The following NSD3 variants were observed in gnomAD, a reference collection of about 807,000 sequenced individuals.
NSD3 encodes nuclear receptor binding SET domain protein 3.
Under a neutral mutation model 160.8 loss-of-function variants are expected in NSD3, and 24 were observed. The ratio of observed to expected loss-of-function variants is 0.15; its 90% CI spans 0.11 to 0.21. NSD3 has a LOEUF of 0.21. Among genes scored for constraint, NSD3 ranks in the 10% least tolerant of loss-of-function variants. NSD3 has a pLI of 1.00. For missense variants in NSD3, 1,157 were observed against 1,735.9 expected, an observed-to-expected ratio of 0.67 and a Z score of 5.93; for synonymous variants, 520 against 600.0, an observed-to-expected ratio of 0.87 and a Z score of 1.95.
rs1432571972 is a variant in NSD3, at chr8:38,307,125, A to AT, written c.2243-1681_2243-1680insA. The stretch of plus-strand genomic sequence containing the variant: ...GCGAGATACCGTCTCAAAAAAAAAA[A>AT]AAATAAAATAAAATAAATAAATAAA... On this transcript the variant is annotated intron_variant, in intron 12 of 23. Transcript: ENST00000317025. Among the ~76,000 whole-genome samples the AT allele has an allele frequency of 2.7e-3, 398 of 146,402 alleles. 3 individuals carry two copies. The highest frequency in any genetic ancestry group is 5.8e-3 in the African/African-American group (231 of 40,160).
Position 38,329,638 on chromosome 8 carries a change from A to G in NSD3, c.1321T>C (p.Ser441Pro). ...CTCCGAATTTCAGTACTTGAGAGTGAGGAGGCCACCTCCCCTGCATTGGTC... is the reference window on the plus strand; with the variant it reads ...CTCCGAATTTCAGTACTTGAGAGTGGGGAGGCCACCTCCCCTGCATTGGTC... ...EQTNAGEVAS[S>P]LSSTEIRRHS... Residue 441 changes from serine to proline, a missense_variant, in exon 6 of 24, where the codon TCA (serine) becomes CCA (proline). Physicochemically the swap from Ser to Pro is moderately conservative, Grantham distance 74 (BLOSUM62 -1). Around this residue, in one of 10 missense-constraint regions of NSD3, gnomAD observed 168 missense variants for 208.1 expected, o/e 0.81. Coordinates refer to ENST00000317025, the MANE Select transcript of NSD3 (RefSeq NM_023034.2). The surrounding 1 kb of genome is among the most constrained non-coding windows in gnomAD (Gnocchi z 4.8). 1 of 1,614,196 alleles carries G rather than the reference A, an allele frequency of 6.2e-7. No individual in the cohort carries two copies. The highest frequency in any genetic ancestry group is 8.5e-7 in the Non-Finnish European group (1 of 1,180,036).
In NSD3 at chr8:38,329,861, A is replaced by C. The variant is rs573951233; in HGVS notation, c.1098T>G (p.Ala366=). 1 of 1,602,712 alleles carries C rather than the reference A, an allele frequency of 6.2e-7. No homozygotes were observed. Among genetic ancestry groups the C allele is most frequent in the African/African-American group, 1.3e-5 (1 of 74,592 alleles). The change falls in exon 6 of 24, where the codon GCT becomes GCG. Residue 366 remains alanine, a synonymous_variant. Transcript: ENST00000317025. The surrounding 1 kb of genome is among the most constrained non-coding windows in gnomAD (Gnocchi z 4.8). ...CATGGGCAATGCCAATATCCCACTG[A>C]GCACGTTCTCTCTGAGGTCGGGGTT... ...IRKPRPQRER[A]QWDIGIAHAE...
At position 38,278,429 on chromosome 8, in the gene NSD3, A is replaced by G. The variant is rs1316708791; in HGVS notation, c.3761-17T>C. The G allele has an allele frequency of 6.3e-7, 1 of 1,596,518 alleles. No homozygotes were observed. Among genetic ancestry groups the G allele is most frequent in the Non-Finnish European group, 8.6e-7 (1 of 1,169,472 alleles). On this transcript the variant is annotated splice_polypyrimidine_tract_variant and intron_variant, in intron 21 of 23. Transcript: ENST00000317025. ...ACTCCATCCCTGAAACACAGGAGAAATAATTATTCAAACTCGAGTCATGGG... is the reference window on the plus strand; with the variant it reads ...ACTCCATCCCTGAAACACAGGAGAAGTAATTATTCAAACTCGAGTCATGGG...
intron 7 of NSD3, among the ~76,000 whole-genome samples, chr8:38,323,006 A>C (rs1244730958): frequency 6.6e-6 from 1 of 152,192 alleles, no homozygotes; most frequent in Non-Finnish European, 1.5e-5. Flanking sequence ...AACTTCAAAC[A>C]AGCTCAAAGC....
At chr8:38,346,272 A>ATGTATATATACATATATAGTATATAG (rs1459857091) in intron 2 of NSD3, among the ~76,000 whole-genome samples, 24 of 147,904 alleles carry the variant, frequency 1.6e-4, no homozygotes, top group African/African-American at 5.6e-4. Flanking sequence ...TATGAAGACT[A>ATGTATATATACATATATAGTATATAG]TGTATATATA....
intron 2 of NSD3, among the ~76,000 whole-genome samples, chr8:38,338,953 A>C (rs937919185): frequency 1.3e-5 from 2 of 152,184 alleles, no homozygotes; most frequent in Non-Finnish European, 2.9e-5. Flanking sequence ...CAGCTTGGCC[A>C]GCATGGTGAA....
Position 38,351,813 on chromosome 8 carries a change from T to C in NSD3, c.-44-3598A>G, listed in dbSNP as rs189954752. Among the ~76,000 whole-genome samples, 354 of 151,736 alleles carry C rather than the reference T, an allele frequency of 2.3e-3. 2 individuals carry two copies. Among genetic ancestry groups the C allele is most frequent in the African/African-American group, 8.3e-3 (342 of 41,316 alleles). ...GCAGGTTCTCACTCATAGGCGGGAA[T>C]TGAACAATGAGAACACATGGACACA... On this transcript the variant is annotated intron_variant, in intron 1 of 23. Coordinates refer to ENST00000317025, the MANE Select transcript of NSD3 (RefSeq NM_023034.2).
chr8:38,364,414 G>C (rs1003450768), intron 1 of NSD3, among the ~76,000 whole-genome samples: 3 of 152,186 alleles, frequency 2.0e-5, no homozygotes, highest in Non-Finnish European at 4.4e-5. Flanking sequence ...AAAGCCATTA[G>C]ATTTTAATTG....
intron 7 of NSD3, among the ~76,000 whole-genome samples, chr8:38,323,766 T>C (rs190366805): frequency 6.9e-6 from 1 of 145,098 alleles, no homozygotes; most frequent in Non-Finnish European, 1.5e-5. Context: ...AGTTTAAGGT[T>C]ACAGTGAACT....
At chr8:38,352,281 T>G (rs191406133) in intron 1 of NSD3, among the ~76,000 whole-genome samples, 1 of 152,130 alleles carries the variant, frequency 6.6e-6, no homozygotes, top group Non-Finnish European at 1.5e-5. Context: ...CAAATGGAAA[T>G]GATTTTGGAA....
rs776092836 is a variant in NSD3 at position 38,281,456 on chromosome 8, A to G, written c.3618+11T>C. ...ATCCCTTTTTCTTACAAAAAAAAAA[A>G]GCAATTTTACCTTGGTAACAGTTAA... On this transcript the variant is annotated intron_variant, in intron 20 of 23. Transcript: ENST00000317025. 16 of 1,378,474 alleles carry G rather than the reference A, an allele frequency of 1.2e-5. No individual in the cohort carries two copies. The highest frequency in any genetic ancestry group is 2.5e-5 in the East Asian group (1 of 39,500). 85.4% of individuals were successfully genotyped at this position (1,378,474 alleles called of 1,614,324 possible).
chr8:38,348,480 C>A (rs1466720272), intron 1 of NSD3, among the ~76,000 whole-genome samples: 2 of 152,126 alleles, frequency 1.3e-5, no homozygotes, highest in African/African-American at 4.8e-5. Context: ...CACCAACACA[C>A]GAAATAGTTT....
At chr8:38,349,663 C>CTT (rs1438241071) in intron 1 of NSD3, among the ~76,000 whole-genome samples, 1 of 66,212 alleles carries the variant, frequency 1.5e-5, no homozygotes, top group Non-Finnish European at 3.1e-5. Context: ...TAATTTCTTT[C>CTT]TTTATATATA....
chr8:38,364,142 T>C (rs1811052606), intron 1 of NSD3, among the ~76,000 whole-genome samples: 1 of 151,476 alleles, frequency 6.6e-6, no homozygotes, highest in African/African-American at 2.4e-5. Context: ...CCAGGCATGG[T>C]GATGCGCGTC....
chr8:38,348,259 T>A (rs549233474), intron 1 of NSD3, 44 bp from the exon 2 acceptor site: 2 of 1,431,628 alleles, frequency 1.4e-6, no homozygotes. Flanking sequence ...ACTATTCTCA[T>A]AGGCTAGAGG....
chr8:38,291,014 C>T (rs760399476), intron 16 of NSD3, among the ~76,000 whole-genome samples: 1 of 152,028 alleles, frequency 6.6e-6, no homozygotes, highest in Non-Finnish European at 1.5e-5. Context: ...TCATGTTTCC[C>T]CCCAAACTTA....
In NSD3 at chr8:38,276,448, T is replaced by C. The variant is rs1808603347; in HGVS notation, c.3920A>G (p.Gln1307Arg). Residue 1307 changes from glutamine (Q) to arginine (R), a missense_variant, in exon 23 of 24, where the codon CAG (glutamine) becomes CGG (arginine). Gln to Arg is a conservative substitution (Grantham distance 43). Transcript: ENST00000317025. ...EEKAKNAKLKQKRRKIKTEPK... is the reference protein window; with the variant it reads ...EEKAKNAKLKRKRRKIKTEPK... Reference sequence around the variant, plus strand: ...TTCTGTTTTGATCTTTCGTCTCTTCTGTTTTAACTTAGCATTTTTTGCCTT... The same window carrying C: ...TTCTGTTTTGATCTTTCGTCTCTTCCGTTTTAACTTAGCATTTTTTGCCTT... 1 of 1,614,130 alleles carries C rather than the reference T, an allele frequency of 6.2e-7. No homozygotes were observed. Among genetic ancestry groups the C allele is most frequent in the African/African-American group, 1.3e-5 (1 of 74,950 alleles).
intron 1 of NSD3, among the ~76,000 whole-genome samples, chr8:38,372,679 T>C (rs1181718027): frequency 6.6e-6 from 1 of 150,970 alleles, no homozygotes; most frequent in South Asian, 2.1e-4. Flanking sequence ...GTAGTTTTAG[T>C]AGAGACGGGT....
At chr8:38,320,275 A>G (rs1048068951) in intron 8 of NSD3, 3 of 152,140 alleles carry the variant, frequency 2.0e-5, no homozygotes, top group Non-Finnish European at 4.4e-5. Flanking sequence ...TAAATGGTTT[A>G]AAAAATATAA....
Sources: gnomAD v4.1 joint callset for allele counts (sites outside exome capture counted in the v4.1 genomes callset) on GRCh38, gnomAD v4.1.1 for gene constraint, gnomAD v4.1.1 regional missense constraint, Gnocchi (gnomAD v3.1) non-coding constraint, MANE v1.5 for transcripts, NCBI Gene and HGNC (gene_info 2026-07-23, HGNC 2026-07-21) for gene names.